The following ZDHHC8 variants were observed in gnomAD, a reference collection of about 807,000 sequenced individuals.
ZDHHC8 encodes the protein palmitoyltransferase ZDHHC8.
A neutral mutation model predicts 61.2 loss-of-function variants in ZDHHC8; 24 were observed. The observed-to-expected ratio is 0.39, with a 90% CI of 0.28 to 0.55. ZDHHC8 has a LOEUF of 0.55. Among genes scored for constraint, ZDHHC8 ranks in the 20% least tolerant of loss-of-function variants. ZDHHC8 has a pLI of 0.60. For missense variants in ZDHHC8, 935 were observed against 1,102.1 expected (o/e 0.85, Z 2.15); for synonymous variants, 523 against 492.5 (o/e 1.06, Z -0.82).
At chr22:20,141,847 G>A (rs917107672) in intron 9 of ZDHHC8, among the ~76,000 whole-genome samples, 3 of 152,222 alleles carry the variant, frequency 2.0e-5, no homozygotes, top group Admixed American at 6.5e-5. Context: ...CCAGGTGGGC[G>A]GCTGCCCCCA....
chr22:20,143,579 A>G lies in ZDHHC8; in HGVS notation c.1949A>G (p.Gln650Arg). 1.3e-6 allele frequency: 2 copies of G among 1,599,016 alleles called. No homozygotes were observed. The highest frequency in any genetic ancestry group is 1.7e-6 in the Non-Finnish European group (2 of 1,176,870). Reference sequence around the variant, plus strand: ...TCGTCCTCCTCCCTGCAGGCTGATCAGGCCAGCAGCAACGCCCCGGGGCCC... The same window carrying G: ...TCGTCCTCCTCCCTGCAGGCTGATCGGGCCAGCAGCAACGCCCCGGGGCCC... Reference protein sequence around the residue: ...RTSSSSLQADQASSNAPGPRP... With the variant: ...RTSSSSLQADRASSNAPGPRP... Residue 650 changes from glutamine to arginine, a missense_variant, in exon 10 of 11, where the codon CAG (glutamine) becomes CGG (arginine). Physicochemically the swap from Gln to Arg is conservative, Grantham distance 43. Transcript: ENST00000334554.
chr22:20,134,787 C>G (rs928294647), intron 1 of ZDHHC8, among the ~76,000 whole-genome samples: 1 of 152,196 alleles, frequency 6.6e-6, no homozygotes, highest in Non-Finnish European at 1.5e-5. Flanking sequence ...GGTCTTGGGA[C>G]CAGCAGGACA....
rs2050524572 is a variant in ZDHHC8 at position 20,146,409 on chromosome 22, C to T, written c.*1009C>T. ...TTGTGTCTGTTTTATGTTTTTATAT[C>T]TACATCTATATATCTATAATTTTAT... On this transcript the variant is annotated 3_prime_UTR_variant, in exon 11 of 11. Coordinates refer to ENST00000334554, the MANE Select transcript of ZDHHC8 (RefSeq NM_013373.4). The T allele has an allele frequency of 1.0e-6, 1 of 984,810 alleles. No individual in the cohort carries two copies. Among genetic ancestry groups the T allele is most frequent in the Non-Finnish European group, 1.2e-6 (1 of 829,246 alleles). The allele number at this position is 984,810 out of a possible 1,614,324, so 61.0% of individuals were successfully genotyped here.
In ZDHHC8 at chr22:20,143,031, C is replaced by G. The variant is rs762809296; in HGVS notation, c.1401C>G (p.Pro467=). The stretch of plus-strand genomic sequence containing the variant: ...CGCCCCACCGTAGCATTTTTGCCCC[C>G]CATGCACTGCCCAACCGCAACGGCA... ...PPTPHRSIFA[P]HALPNRNGSL... The change falls in exon 10 of 11, where the codon CCC becomes CCG. Residue 467 remains proline (P), a synonymous_variant. Coordinates refer to ENST00000334554, the MANE Select transcript of ZDHHC8 (RefSeq NM_013373.4). The G allele has an allele frequency of 1.1e-5, 18 of 1,612,534 alleles. No individual in the cohort carries two copies. Among genetic ancestry groups the G allele is most frequent in the East Asian group, 8.9e-5 (4 of 44,862 alleles).
rs2050511621 is a variant in ZDHHC8, at chr22:20,145,317, G to T, written c.2215G>T (p.Gly739Trp). The stretch of plus-strand genomic sequence containing the variant: ...GCTGGGACCTGCCACCGGCCCCCCA[G>T]GGCCCTCTGCCAGCCCTACACGGCA... ...ARLGPATGPP[G>W]PSASPTRHTL... is the part of the protein sequence containing the mutation. The change falls in exon 11 of 11, where the codon GGG becomes TGG. Residue 739 changes from glycine to tryptophan, a missense_variant. Gly to Trp is a radical substitution (Grantham distance 184). This residue lies in a region of ZDHHC8 where 692 missense variants were observed against 731.4 expected (regional missense o/e 0.95). Transcript: ENST00000334554. The T allele has an allele frequency of 3.8e-6, 6 of 1,597,964 alleles. No homozygotes were observed. The highest frequency in any genetic ancestry group is 5.1e-6 in the Non-Finnish European group (6 of 1,173,482).
intron 1 of ZDHHC8, among the ~76,000 whole-genome samples, chr22:20,137,376 G>A (rs998233085): frequency 2.0e-5 from 3 of 152,244 alleles, no homozygotes; most frequent in African/African-American, 7.2e-5. Context: ...AGGGCCAGGA[G>A]GCAGGCTGGC....
chr22:20,145,577 G>T lies in ZDHHC8; in HGVS notation c.*177G>T, dbSNP rs140210265. On this transcript the variant is annotated 3_prime_UTR_variant, in exon 11 of 11. Coordinates refer to ENST00000334554, the MANE Select transcript of ZDHHC8 (RefSeq NM_013373.4). The stretch of plus-strand genomic sequence containing the variant: ...CTTGCCCCAAGCGCTCTGCCTGCCC[G>T]TCCACTCATCTGCCCATGGGGAAGT... 3.1e-5 allele frequency: 40 copies of T among 1,269,860 alleles called. No homozygotes were observed. The highest frequency in any genetic ancestry group is 4.2e-5 in the Admixed American group (1 of 23,858). The allele number at this position is 1,269,860 out of a possible 1,614,324, so 78.7% of individuals were successfully genotyped here.
chr22:20,145,659 T>C lies in ZDHHC8; in HGVS notation c.*259T>C. Reference sequence around the variant, plus strand: ...TCTGTGTCTGGGCCTGTCCCATGGCTGGGGCAGTGAGGGGGCCCAGTCAGC... The same window carrying C: ...TCTGTGTCTGGGCCTGTCCCATGGCCGGGGCAGTGAGGGGGCCCAGTCAGC... On this transcript the variant is annotated 3_prime_UTR_variant, in exon 11 of 11. Transcript: ENST00000334554. 1 of 1,122,234 alleles carries C rather than the reference T, an allele frequency of 8.9e-7. No homozygotes were observed. The highest frequency in any genetic ancestry group is 4.2e-5 in the South Asian group (1 of 23,784). 69.5% of individuals were successfully genotyped at this position (1,122,234 alleles called of 1,614,324 possible).
intron 10 of ZDHHC8, among the ~76,000 whole-genome samples, chr22:20,144,067 C>T (rs2050500717): frequency 6.6e-6 from 1 of 152,190 alleles, no homozygotes; most frequent in Non-Finnish European, 1.5e-5. Flanking sequence ...TCTTTGGGGC[C>T]AGTATCATGT....
At chr22:20,144,110 G>A (rs2050501010) in intron 10 of ZDHHC8, among the ~76,000 whole-genome samples, 1 of 152,172 alleles carries the variant, frequency 6.6e-6, no homozygotes, top group Admixed American at 6.5e-5. Flanking sequence ...CTGTGGCTCT[G>A]GCTTCCTGGG....
chr22:20,146,179 A>C lies in ZDHHC8; in HGVS notation c.*779A>C, dbSNP rs191755096. 18 of 985,638 alleles carry C rather than the reference A, an allele frequency of 1.8e-5. No homozygotes were observed. Among genetic ancestry groups the C allele is most frequent in the Non-Finnish European group, 1.9e-5 (16 of 829,962 alleles). 61.1% of individuals were successfully genotyped at this position (985,638 alleles called of 1,614,324 possible). A position where few individuals can be genotyped will look rare whatever the true frequency, so the allele number is the denominator to read the frequency against. On this transcript the variant is annotated 3_prime_UTR_variant, in exon 11 of 11. Transcript: ENST00000334554. ...GAGCAGGCACGGGGGTGATGCTGCC[A>C]CAGGGGGCTGGTGACACCCAGAGCC...
At position 20,140,935 on chromosome 22, in the gene ZDHHC8, G is replaced by T; in HGVS notation, c.817G>T (p.Glu273Ter). Reference protein sequence around the residue: ...VSLKPPFLRPELLDRAAPLKV... With the variant: ...VSLKPPFLRP ...TTTGAAGCCGCCTTTCCTTAGGCCT[G>T]AACTCCTGGACCGAGCTGCACCGCT... is the stretch of plus-strand genomic sequence containing the variant. Residue 273 changes from glutamate (E) to a stop codon, truncating the protein, a stop_gained, in exon 7 of 11, where the codon GAA becomes TAA. Coordinates refer to ENST00000334554, the MANE Select transcript of ZDHHC8 (RefSeq NM_013373.4). LOFTEE classifies it high-confidence loss of function. 6.2e-7 allele frequency: 1 copy of T among 1,609,426 alleles called. No homozygotes were observed.
At chr22:20,140,447 G>C in intron 5 of ZDHHC8, 170 bp from the exon 6 acceptor site, 5 of 820,584 alleles carry the variant, frequency 6.1e-6, no homozygotes, top group Non-Finnish European at 9.3e-6. Context: ...ACAGCTCCCT[G>C]CAAGTTCAGG....
chr22:20,143,682 C>T lies in ZDHHC8; in HGVS notation c.2052C>T (p.Ser684=). The T allele has an allele frequency of 6.2e-7, 1 of 1,610,100 alleles. No homozygotes were observed. The highest frequency in any genetic ancestry group is 1.1e-5 in the South Asian group (1 of 90,782). The change falls in exon 10 of 11, where the codon TCC becomes TCT. Residue 684 remains serine (S), a synonymous_variant. Coordinates refer to ENST00000334554, the MANE Select transcript of ZDHHC8 (RefSeq NM_013373.4). ...CGCCCGGCACTCCCCACTCACCATC[C>T]TACGCGGGCCCCAAAGCTGTCGCCT... ...PSPPGTPHSP[S]YAGPKAVAFI...
intron 5 of ZDHHC8, 21 bp downstream of exon 5, chr22:20,140,238 G>A: frequency 6.2e-7 from 1 of 1,606,884 alleles, no homozygotes. Context: ...CATGGGGGAT[G>A]GGTGGCCCCA....
At chr22:20,139,985 G>A in intron 4 of ZDHHC8, 93 bp downstream of exon 4, 1 of 1,593,272 alleles carries the variant, frequency 6.3e-7, no homozygotes, top group Admixed American at 1.7e-5. Context: ...CTTGGTTCCT[G>A]CCCAGGGATC....
chr22:20,144,757 C>T (rs569282629), intron 10 of ZDHHC8, among the ~76,000 whole-genome samples: 3 of 152,344 alleles, frequency 2.0e-5, no homozygotes, highest in South Asian at 2.1e-4. Flanking sequence ...AAAGGGCTCT[C>T]GCCTCAAGAA....
Position 20,139,574 on chromosome 22 carries a change from C to T in ZDHHC8, c.323C>T (p.Thr108Met). ...GIQVRMKWCA[T>M]CHFYRPPRCS... ...CAGGTCCGCATGAAGTGGTGTGCCACGTGCCACTTCTACCGCCCGCCGCGC... is the reference window on the plus strand; with the variant it reads ...CAGGTCCGCATGAAGTGGTGTGCCATGTGCCACTTCTACCGCCCGCCGCGC... Residue 108 changes from threonine (T) to methionine (M), a missense_variant, in exon 3 of 11, where the codon ACG (threonine) becomes ATG (methionine). Physicochemically the swap from Thr to Met is moderately conservative, Grantham distance 81. This residue lies in a region of ZDHHC8 where 199 missense variants were observed against 334.0 expected (regional missense o/e 0.60). Coordinates refer to ENST00000334554, the MANE Select transcript of ZDHHC8 (RefSeq NM_013373.4). 6 of 1,613,284 alleles carry T rather than the reference C, an allele frequency of 3.7e-6. No individual in the cohort carries two copies. Among genetic ancestry groups the T allele is most frequent in the Non-Finnish European group, 5.1e-6 (6 of 1,180,020 alleles).
Position 20,145,280 on chromosome 22 carries a change from G to A in ZDHHC8, c.2178G>A (p.Pro726=), listed in dbSNP as rs753083643. 1.1e-5 allele frequency: 17 copies of A among 1,574,812 alleles called. No individual in the cohort carries two copies. The highest frequency in any genetic ancestry group is 2.4e-5 in the East Asian group (1 of 42,286). The change falls in exon 11 of 11, where the codon CCG becomes CCA. Residue 726 remains proline, a synonymous_variant. Coordinates refer to ENST00000334554, the MANE Select transcript of ZDHHC8 (RefSeq NM_013373.4). ...CAAGTAAGCTTAATGGGCAGTCCCC[G>A]GGCCTGGCCCGGCTGGGACCTGCCA... is the stretch of plus-strand genomic sequence containing the variant. The part of the protein sequence containing the change: ...TPPSKLNGQS[P]GLARLGPATG...
Sources: allele counts gnomAD v4.1 joint callset (sites outside exome capture counted in the v4.1 genomes callset), GRCh38; gene constraint gnomAD v4.1.1; regional missense constraint gnomAD v4.1.1; transcripts MANE v1.5; gene names NCBI Gene and HGNC (gene_info 2026-07-23, HGNC 2026-07-21).